The following GALNT17 variants were observed in gnomAD, a reference collection of about 807,000 sequenced individuals.
The protein encoded by GALNT17 is UDP-GalNAc:polypeptide N-acetylgalactosaminyltransferase-like 3.
GALNT17 carries 29 observed loss-of-function variants against 63.7 expected under a neutral mutation model. That is an observed-to-expected ratio of 0.46 (90% CI 0.34 to 0.62). The LOEUF (loss-of-function observed/expected upper bound fraction) is 0.62. Among genes scored for constraint, GALNT17 ranks in the 20% least tolerant of loss-of-function variants. GALNT17 has a pLI of 0.01. For missense variants in GALNT17, 603 were observed against 799.6 expected, an observed-to-expected ratio of 0.75 and a Z score of 2.97; for synonymous variants, 305 against 318.3, an observed-to-expected ratio of 0.96 and a Z score of 0.45.
At chr7:71,458,693 G>A (rs1481138690) in intron 5 of GALNT17, among the ~76,000 whole-genome samples, 1 of 152,154 alleles carries the variant, frequency 6.6e-6, no homozygotes, top group Non-Finnish European at 1.5e-5. Flanking sequence ...AACGTGGAAA[G>A]GTGATGGAGT....
intron 1 of GALNT17, among the ~76,000 whole-genome samples, chr7:71,193,905 G>A (rs1788998742): frequency 6.6e-6 from 1 of 152,096 alleles, no homozygotes; most frequent in South Asian, 2.1e-4. Context: ...CTCTCTTTCG[G>A]GGCGTATTGA....
chr7:71,519,780 A>C (rs1788500789), intron 5 of GALNT17, among the ~76,000 whole-genome samples: 1 of 152,036 alleles, frequency 6.6e-6, no homozygotes, highest in Admixed American at 6.6e-5. Flanking sequence ...TTTAAGTTAG[A>C]CTTTTGTCCT....
At position 71,678,826 on chromosome 7, in the gene GALNT17, C is replaced by T. The variant is rs545404817; in HGVS notation, c.1500+1520C>T. Among the ~76,000 whole-genome samples the T allele has an allele frequency of 2.5e-3, 369 of 150,238 alleles. 1 individual carries two copies. Among genetic ancestry groups the T allele is most frequent in the African/African-American group, 7.5e-3 (309 of 40,972 alleles). Reference sequence around the variant, plus strand: ...AAAAAAAATTAGCCAGGCATAGTGGCGGGTGCCTGTAATCCCAGCTACTGG... The same window carrying T: ...AAAAAAAATTAGCCAGGCATAGTGGTGGGTGCCTGTAATCCCAGCTACTGG... On this transcript the variant is annotated intron_variant, in intron 9 of 10. Coordinates refer to ENST00000333538, the MANE Select transcript of GALNT17 (RefSeq NM_022479.3).
intron 9 of GALNT17, among the ~76,000 whole-genome samples, chr7:71,704,350 A>G (rs1791693791): frequency 2.0e-5 from 3 of 152,224 alleles, no homozygotes; most frequent in Admixed American, 6.5e-5. Context: ...ATGAGAAAAC[A>G]TTATTGAAAG....
intron 2 of GALNT17, among the ~76,000 whole-genome samples, chr7:71,381,782 AAAAAG>A (rs1052424266): frequency 1.0e-3 from 154 of 152,298 alleles, no homozygotes; most frequent in African/African-American, 3.6e-3. Context: ...CCGTCTCAGA[AAAAAG>A]AAAAGAAAAG....
chr7:71,473,823 T>A (rs1289823627), intron 5 of GALNT17, among the ~76,000 whole-genome samples: 2 of 152,152 alleles, frequency 1.3e-5, no homozygotes, highest in Non-Finnish European at 1.5e-5. Flanking sequence ...CAGTGCTTAT[T>A]GTTACCAGAA....
At chr7:71,643,851 A>C (rs1346279056) in intron 6 of GALNT17, among the ~76,000 whole-genome samples, 1 of 152,068 alleles carries the variant, frequency 6.6e-6, no homozygotes, top group Admixed American at 6.6e-5. Flanking sequence ...CCCTTTATCA[A>C]CTCCACAGCT....
At chr7:71,321,950 T>C (rs1439655245) in intron 1 of GALNT17, among the ~76,000 whole-genome samples, 1 of 111,168 alleles carries the variant, frequency 9.0e-6, no homozygotes, top group African/African-American at 3.6e-5. Flanking sequence ...CCTCCCTTCC[T>C]TCCTTCCTTC....
chr7:71,443,553 G>T (rs975020706), intron 5 of GALNT17, among the ~76,000 whole-genome samples: 2 of 151,886 alleles, frequency 1.3e-5, no homozygotes, highest in African/African-American at 4.8e-5. Flanking sequence ...TCTCTCTCCT[G>T]CTCCCCTTAT....
chr7:71,400,525 A>G (rs925462414), intron 3 of GALNT17, among the ~76,000 whole-genome samples: 5 of 152,200 alleles, frequency 3.3e-5, no homozygotes, highest in African/African-American at 1.2e-4. Context: ...TTTTGATACC[A>G]AAGTCTTAAG....
At chr7:71,531,752 GT>G (rs1788724698) in intron 5 of GALNT17, among the ~76,000 whole-genome samples, 1 of 152,146 alleles carries the variant, frequency 6.6e-6, no homozygotes, top group African/African-American at 2.4e-5. Context: ...ACCACTTCTG[GT>G]TTAAGGCATT....
At chr7:71,407,879 G>T (rs1289398492) in intron 3 of GALNT17, among the ~76,000 whole-genome samples, 7 of 152,180 alleles carry the variant, frequency 4.6e-5, no homozygotes, top group African/African-American at 1.7e-4. Flanking sequence ...TATAGGGGCA[G>T]AAAGCATGTT....
chr7:71,508,820 C>T (rs1008376409), intron 5 of GALNT17, among the ~76,000 whole-genome samples: 3 of 152,058 alleles, frequency 2.0e-5, no homozygotes, highest in Non-Finnish European at 2.9e-5. Context: ...GTTGTGGGGC[C>T]GCTGGTTTTG....
At chr7:71,444,994 T>G (rs1467826821) in intron 5 of GALNT17, among the ~76,000 whole-genome samples, 1 of 152,022 alleles carries the variant, frequency 6.6e-6, no homozygotes, top group African/African-American at 2.4e-5. Flanking sequence ...GCGGTGTCTC[T>G]GGAGGGAAAG....
Position 71,132,896 on chromosome 7 carries a change from G to C in GALNT17, c.94G>C (p.Ala32Pro), listed in dbSNP as rs1787710187. ...CTTCCTGGCCAAGTGCCGGCCCATC[G>C]CGGTGCGCAGCGGAGACGCCTTCCA... ...VLFLAKCRPIAVRSGDAFHEI... is the reference protein window; with the variant it reads ...VLFLAKCRPIPVRSGDAFHEI... The change falls in exon 1 of 11, where the codon GCG becomes CCG. Residue 32 changes from alanine (A) to proline (P), a missense_variant. Physicochemically the swap from Ala to Pro is conservative, Grantham distance 27 (BLOSUM62 -1). Around this residue, in one of 3 missense-constraint regions of GALNT17, gnomAD observed 195 missense variants for 215.0 expected, o/e 0.91. Coordinates refer to ENST00000333538, the MANE Select transcript of GALNT17 (RefSeq NM_022479.3). 6.2e-7 allele frequency: 1 copy of C among 1,612,756 alleles called. No homozygotes were observed. The highest frequency in any genetic ancestry group is 1.1e-5 in the South Asian group (1 of 91,018).
At chr7:71,431,552 A>C (rs1393718524) in intron 5 of GALNT17, among the ~76,000 whole-genome samples, 1 of 152,108 alleles carries the variant, frequency 6.6e-6, no homozygotes, top group Admixed American at 6.6e-5. Context: ...AAAGTTGCTG[A>C]AGCATGAGTT....
chr7:71,360,770 T>TA (rs1194120791), intron 2 of GALNT17, among the ~76,000 whole-genome samples: 10 of 151,886 alleles, frequency 6.6e-5, no homozygotes, highest in African/African-American at 1.9e-4. Flanking sequence ...CCGTCTCTAC[T>TA]AAAAAAAACC....
chr7:71,503,051 A>G (rs796586498), intron 5 of GALNT17, among the ~76,000 whole-genome samples: 20 of 152,124 alleles, frequency 1.3e-4, no homozygotes, highest in African/African-American at 4.6e-4. Flanking sequence ...TATTACCCTC[A>G]TCTGGACTTT....
chr7:71,683,237 G>A (rs1324520196), intron 9 of GALNT17, among the ~76,000 whole-genome samples: 1 of 152,104 alleles, frequency 6.6e-6, no homozygotes, highest in African/African-American at 2.4e-5. Context: ...GTTCAGCCAC[G>A]TGTCCTGAAT....
Sources: allele counts gnomAD v4.1 joint callset (sites outside exome capture counted in the v4.1 genomes callset), GRCh38; gene constraint gnomAD v4.1.1; regional missense constraint gnomAD v4.1.1; transcripts MANE v1.5; gene names NCBI Gene and HGNC (gene_info 2026-07-23, HGNC 2026-07-21).